ZNF205: variants seen among roughly 807,000 people sequenced by gnomAD.
ZNF205 encodes the protein zinc finger protein 205, also known as transcriptional repressor RHIT.
A neutral mutation model predicts 53.6 loss-of-function variants in ZNF205; 32 were observed. That is an observed-to-expected ratio of 0.60 (90% CI 0.45 to 0.80). The LOEUF (loss-of-function observed/expected upper bound fraction) is 0.80. Among genes scored for constraint, ZNF205 ranks in the 30% least tolerant of loss-of-function variants. The pLI, the probability that ZNF205 is intolerant of heterozygous loss-of-function variation, is 0.00. For synonymous variants in ZNF205, 382 were observed against 334.3 expected, an observed-to-expected ratio of 1.14 and a Z score of -1.56; for missense variants, 836 against 782.4, an observed-to-expected ratio of 1.07 and a Z score of -0.82.
chr16:3,115,310 T>C lies in ZNF205; in HGVS notation c.58-45T>C, dbSNP rs755788657. On this transcript the variant is annotated intron_variant, in intron 2 of 6. Coordinates refer to ENST00000219091, the MANE Select transcript of ZNF205 (RefSeq NM_001042428.2). ...GAGCGCACTGCCATGTGGCCCTGGGTGTCTCTCCCACTCATCTGGGTGCTG... is the reference window on the plus strand; with the variant it reads ...GAGCGCACTGCCATGTGGCCCTGGGCGTCTCTCCCACTCATCTGGGTGCTG... 4 of 1,441,844 alleles carry C rather than the reference T, an allele frequency of 2.8e-6. No individual in the cohort carries two copies. In the Admixed American group the frequency reaches 1.0e-4, roughly 37 times the overall value. 89.3% of individuals were successfully genotyped at this position (1,441,844 alleles called of 1,614,324 possible).
chr16:3,115,340 G>A lies in ZNF205; in HGVS notation c.58-15G>A, dbSNP rs1363996425. 6.4e-7 allele frequency: 1 copy of A among 1,569,834 alleles called. No individual in the cohort carries two copies. Among genetic ancestry groups the A allele is most frequent in the Non-Finnish European group, 8.6e-7 (1 of 1,158,528 alleles). On this transcript the variant is annotated splice_polypyrimidine_tract_variant and intron_variant, in intron 2 of 6. Coordinates refer to ENST00000219091, the MANE Select transcript of ZNF205 (RefSeq NM_001042428.2). Reference sequence around the variant, plus strand: ...CTCCCACTCATCTGGGTGCTGATGGGGCTGTCCTTTCTAGGTTCCAGATCG... The same window carrying A: ...CTCCCACTCATCTGGGTGCTGATGGAGCTGTCCTTTCTAGGTTCCAGATCG...
At chr16:3,117,182 T>G (rs1419673626) in intron 5 of ZNF205, among the ~76,000 whole-genome samples, 1 of 152,180 alleles carries the variant, frequency 6.6e-6, no homozygotes, top group South Asian at 2.1e-4. Flanking sequence ...CCCCAGGAAG[T>G]CCGCTTTTCC....
Position 3,115,454 on chromosome 16 carries a change from C to A in ZNF205, c.157C>A (p.Pro53Thr), listed in dbSNP as rs1444146206. The change falls in exon 3 of 7, where the codon CCC becomes ACC. Residue 53 changes from proline to threonine, a missense_variant. Physicochemically the swap from Pro to Thr is conservative, Grantham distance 38. Coordinates refer to ENST00000219091, the MANE Select transcript of ZNF205 (RefSeq NM_001042428.2). ...TQESLHIKME[P>T]EEPHSEGASQ... is the part of the protein sequence containing the mutation. ...GGAGTCACTGCACATTAAGATGGAG[C>A]CCGAAGAGCCACACTCCGAGGGGGC... is the stretch of plus-strand genomic sequence containing the variant. 1 of 1,612,198 alleles carries A rather than the reference C, an allele frequency of 6.2e-7. No homozygotes were observed. Among genetic ancestry groups the A allele is most frequent in the Non-Finnish European group, 8.5e-7 (1 of 1,179,100 alleles).
At chr16:3,115,284 G>GAC in intron 2 of ZNF205, 71 bp from the exon 3 acceptor site, 1 of 1,250,034 alleles carries the variant, frequency 8.0e-7, no homozygotes. Context: ...CGACGCTGCC[G>GAC]GAGCGCACTG....
At chr16:3,112,980 C>T (rs538562480) in intron 1 of ZNF205, 28 of 205,952 alleles carry the variant, frequency 1.4e-4, no homozygotes, top group Middle Eastern at 1.9e-3. Context: ...GTCCTGGGGT[C>T]GGGGGACAGC....
Position 3,120,139 on chromosome 16 carries a change from G to C in ZNF205, c.1479G>C (p.Ala493=). 2 of 1,612,966 alleles carry C rather than the reference G, an allele frequency of 1.2e-6. No individual in the cohort carries two copies. The highest frequency in any genetic ancestry group is 1.7e-6 in the Non-Finnish European group (2 of 1,179,518). Residue 493 remains alanine (A), a synonymous_variant, in exon 7 of 7, where the codon GCG becomes GCC. Transcript: ENST00000219091. ...KSFSHSSHLT[A]HQRTHRGVRP... is the part of the protein sequence containing the mutation. Reference sequence around the variant, plus strand: ...TCAGCCACAGCTCGCACCTCACCGCGCACCAGCGCACCCACCGTGGCGTGC... The same window carrying C: ...TCAGCCACAGCTCGCACCTCACCGCCCACCAGCGCACCCACCGTGGCGTGC...
chr16:3,115,256 G>T, intron 2 of ZNF205, 99 bp from the exon 3 acceptor site: 1 of 932,102 alleles, frequency 1.1e-6, no homozygotes, highest in Non-Finnish European at 1.5e-6. Context: ...TTCAAGCTGC[G>T]TCTTGCATGT....
chr16:3,118,610 G>C (rs544503496), intron 5 of ZNF205, among the ~76,000 whole-genome samples: 33 of 152,322 alleles, frequency 2.2e-4, no homozygotes, highest in African/African-American at 6.0e-4. Context: ...CCCTCCAGGT[G>C]TGGGTGTAGG....
chr16:3,116,132 C>A (rs1957342539), intron 4 of ZNF205: 3 of 678,228 alleles, frequency 4.4e-6, no homozygotes, highest in Non-Finnish European at 4.9e-6. Flanking sequence ...AGACACAGGG[C>A]CTCTCGCTGG....
chr16:3,115,916 C>CA lies in ZNF205; in HGVS notation c.359_360insA (p.Gln121ProfsTer59). On this transcript the variant is annotated frameshift_variant, in exon 4 of 7. Coordinates refer to ENST00000219091, the MANE Select transcript of ZNF205 (RefSeq NM_001042428.2). LOFTEE classifies it high-confidence loss of function. ...GCTGCAGCGCTCCTCACTGCCTGGT[C>CA]CCAGGTGAGTGGCCCTTCCCCGGCC... 6.2e-7 allele frequency: 1 copy of CA among 1,613,382 alleles called. No individual in the cohort carries two copies. Among genetic ancestry groups the CA allele is most frequent in the Non-Finnish European group, 8.5e-7 (1 of 1,179,720 alleles).
chr16:3,119,796 T>C lies in ZNF205; in HGVS notation c.1136T>C (p.Leu379Pro). 1.1e-5 allele frequency: 18 copies of C among 1,613,734 alleles called. No homozygotes were observed. The highest frequency in any genetic ancestry group is 1.4e-5 in the Non-Finnish European group (17 of 1,179,878). Residue 379 changes from leucine to proline, a missense_variant, in exon 7 of 7, where the codon CTG (leucine) becomes CCG (proline). By Grantham distance (98) the Leu-to-Pro change is moderately conservative. Transcript: ENST00000219091. Reference sequence around the variant, plus strand: ...AAGAGCTTCAGCCACCACTCCACGCTGATTCAGCACCAGCGCATCCACACC... The same window carrying C: ...AAGAGCTTCAGCCACCACTCCACGCCGATTCAGCACCAGCGCATCCACACC... Reference protein sequence around the residue: ...CRKSFSHHSTLIQHQRIHTGE... With the variant: ...CRKSFSHHSTPIQHQRIHTGE...
In ZNF205 at chr16:3,119,496, C is replaced by T. The variant is rs112274508; in HGVS notation, c.836C>T (p.Pro279Leu). The stretch of plus-strand genomic sequence containing the variant: ...ACGGAGCCCCAGGAGTACCGCGTCC[C>T]GGAGAAGCCCAACGAGGAGGAGAAG... Reference protein sequence around the residue: ...SPTEPQEYRVPEKPNEEEKGA... With the variant: ...SPTEPQEYRVLEKPNEEEKGA... The change falls in exon 7 of 7, where the codon CCG (proline) becomes CTG (leucine). Residue 279 changes from proline (P) to leucine (L), a missense_variant. Pro to Leu is a moderately conservative substitution (Grantham distance 98). Coordinates refer to ENST00000219091, the MANE Select transcript of ZNF205 (RefSeq NM_001042428.2). 1,667 of 1,593,934 alleles carry T rather than the reference C, an allele frequency of 1.0e-3. 4 individuals are homozygous for T. The highest frequency in any genetic ancestry group is 8.5e-3 in the Middle Eastern group (51 of 6,004).
intron 2 of ZNF205, among the ~76,000 whole-genome samples, chr16:3,114,314 G>A (rs1217241550): frequency 1.3e-5 from 2 of 152,122 alleles, no homozygotes; most frequent in African/African-American, 4.8e-5. Flanking sequence ...TTCCTGAGCT[G>A]GCAGCTCCTT....
chr16:3,113,559 A>G (rs1465293303), intron 2 of ZNF205, 72 bp downstream of exon 2: 3 of 1,547,744 alleles, frequency 1.9e-6, no homozygotes, highest in Non-Finnish European at 2.6e-6. Flanking sequence ...CAAGGCACAG[A>G]GTCTGGACCC....
Position 3,116,537 on chromosome 16 carries a change from G to A in ZNF205, c.474G>A (p.Gly158=). 2.5e-6 allele frequency: 4 copies of A among 1,613,824 alleles called. No individual in the cohort carries two copies. In the South Asian group the frequency reaches 3.3e-5, roughly 13 times the overall value. ...GGGATGTCCTGCAGAAGAAAAATGGGCTGTCACTGGGTAAGCACTCGCCTG... is the reference window on the plus strand; with the variant it reads ...GGGATGTCCTGCAGAAGAAAAATGGACTGTCACTGGGTAAGCACTCGCCTG... The part of the protein sequence containing the change: ...FYRDVLQKKN[G]LSLGFPFSRP... The change falls in exon 5 of 7, where the codon GGG becomes GGA. Residue 158 remains glycine (G), a synonymous_variant. Coordinates refer to ENST00000219091, the MANE Select transcript of ZNF205 (RefSeq NM_001042428.2).
chr16:3,115,719 C>T, intron 3 of ZNF205, 110 bp from the exon 4 acceptor site: 1 of 1,392,172 alleles, frequency 7.2e-7, no homozygotes, highest in South Asian at 1.4e-5. Flanking sequence ...GCGTCAGAGC[C>T]ATCCGACCCT....
intron 5 of ZNF205, among the ~76,000 whole-genome samples, chr16:3,117,909 C>T (rs1434362532): frequency 1.4e-5 from 2 of 144,772 alleles, no homozygotes; most frequent in African/African-American, 2.5e-5. Flanking sequence ...AGTGTAGTGG[C>T]GTGATCTCAG....
At position 3,119,848 on chromosome 16, in the gene ZNF205, C is replaced by T; in HGVS notation, c.1188C>T (p.Arg396=). The change falls in exon 7 of 7, where the codon CGC becomes CGT. Residue 396 remains arginine (R), a synonymous_variant. Transcript: ENST00000219091. ...HTGEKPYVCD[R]CAKRFTRRSD... The stretch of plus-strand genomic sequence containing the variant: ...GAGAGAAGCCCTACGTGTGCGACCG[C>T]TGCGCCAAGCGCTTCACCCGCCGCT... The T allele has an allele frequency of 6.2e-7, 1 of 1,613,282 alleles. No individual in the cohort carries two copies.
At chr16:3,113,508 G>T in intron 2 of ZNF205, 21 bp downstream of exon 2, 1 of 1,612,212 alleles carries the variant, frequency 6.2e-7, no homozygotes, top group Non-Finnish European at 8.5e-7. Context: ...GGCTGGCTGA[G>T]GGAGGTGTGC....
Sources: gnomAD v4.1 joint callset for allele counts (sites outside exome capture counted in the v4.1 genomes callset) on GRCh38, gnomAD v4.1.1 for gene constraint, MANE v1.5 for transcripts, NCBI Gene and HGNC (gene_info 2026-07-23, HGNC 2026-07-21) for gene names.